NEK4: variants seen among roughly 807,000 people sequenced by gnomAD.
The protein encoded by NEK4 is serine/threonine-protein kinase Nek4.
In NEK4, 86 loss-of-function variants were observed where a neutral mutation model predicts 98.4. The ratio of observed to expected loss-of-function variants is 0.87; its 90% CI spans 0.73 to 1.05. The LOEUF is 1.05. Ranked by LOEUF, NEK4 falls within the 50% of genes least tolerant of loss-of-function variation. The probability of loss-of-function intolerance (pLI) is 0.00; values close to 1 mark genes in which losing one functional copy is unlikely to be tolerated. For missense variants in NEK4, 898 were observed against 950.3 expected, an observed-to-expected ratio of 0.94 and a Z score of 0.72; for synonymous variants, 328 against 342.2, an observed-to-expected ratio of 0.96 and a Z score of 0.46.
Position 52,739,530 on chromosome 3 carries a change from A to T in NEK4, c.2198T>A (p.Val733Glu). The stretch of plus-strand genomic sequence containing the variant: ...TTTCCGATGAAGTTTGAATTCTGAC[A>T]CTGGGTTTGCTACCGGGACATCTTC... ...SCEDVPVANP[V>E]SEFKLHRKYR... Residue 733 changes from valine to glutamate, a missense_variant, in exon 14 of 16, where the codon GTG becomes GAG. Physicochemically the swap from Val to Glu is moderately radical, Grantham distance 121. Coordinates refer to ENST00000233027, the MANE Select transcript of NEK4 (RefSeq NM_003157.6). 6.2e-7 allele frequency: 1 copy of T among 1,614,090 alleles called. No homozygotes were observed. Among genetic ancestry groups the T allele is most frequent in the Non-Finnish European group, 8.5e-7 (1 of 1,179,974 alleles).
At chr3:52,733,196 C>A in intron 15 of NEK4, 1 of 218,942 alleles carries the variant, frequency 4.6e-6, no homozygotes, top group Non-Finnish European at 9.8e-6. Flanking sequence ...ATAAACTTTA[C>A]AAATGCAGTA....
At chr3:52,722,409 C>T (rs1458183775) in intron 15 of NEK4, among the ~76,000 whole-genome samples, 1 of 152,176 alleles carries the variant, frequency 6.6e-6, no homozygotes, top group East Asian at 1.9e-4. Flanking sequence ...AGGTCCCTGG[C>T]TTGCAAAGTG....
At chr3:52,748,045 C>T (rs567694447) in intron 8 of NEK4, among the ~76,000 whole-genome samples, 7 of 152,124 alleles carry the variant, frequency 4.6e-5, no homozygotes, top group Admixed American at 6.5e-5. Flanking sequence ...CTGCAAGCTC[C>T]TCCTCCTGGG....
chr3:52,732,513 A>G, intron 15 of NEK4: 1 of 206,822 alleles, frequency 4.8e-6, no homozygotes, highest in Non-Finnish European at 1.0e-5. Flanking sequence ...ATTTCTTATG[A>G]GTCAGGCTGT....
chr3:52,752,039 G>T lies in NEK4; in HGVS notation c.1261C>A (p.Pro421Thr). The T allele has an allele frequency of 6.2e-7, 1 of 1,614,172 alleles. No homozygotes were observed. Among genetic ancestry groups the T allele is most frequent in the East Asian group, 2.2e-5 (1 of 44,886 alleles). ...GACCACATGGGAATCAGGTTTTCAG[G>T]CTGGGCACTGGATTTAGTGTTGTCC... is the stretch of plus-strand genomic sequence containing the variant. Reference protein sequence around the residue: ...LQDNTKSSAQPENLIPMWSSD... With the variant: ...LQDNTKSSAQTENLIPMWSSD... Residue 421 changes from proline (P) to threonine (T), a missense_variant, in exon 7 of 16, where the codon CCT (proline) becomes ACT (threonine). By Grantham distance (38) the Pro-to-Thr change is conservative (BLOSUM62 -1). Coordinates refer to ENST00000233027, the MANE Select transcript of NEK4 (RefSeq NM_003157.6).
At chr3:52,754,938 G>A (rs1007944756) in intron 6 of NEK4, among the ~76,000 whole-genome samples, 9 of 151,878 alleles carry the variant, frequency 5.9e-5, no homozygotes, top group Admixed American at 5.9e-4. Context: ...GCCGGGCGCG[G>A]TGGCAGGCGC....
At chr3:52,769,951 G>A (rs976666622) in intron 1 of NEK4, among the ~76,000 whole-genome samples, 3 of 152,212 alleles carry the variant, frequency 2.0e-5, no homozygotes, top group Non-Finnish European at 4.4e-5. Context: ...TCAAGTGGCG[G>A]CGACCAGTTG....
rs373619075 is a variant in NEK4 at position 52,723,524 on chromosome 3, G to A, written c.2434-11655C>T. Among the ~76,000 whole-genome samples, 4 of 152,138 alleles carry A rather than the reference G, an allele frequency of 2.6e-5. No homozygotes were observed. The South Asian group carries it at 8.3e-4, about 31-fold the overall frequency. On this transcript the variant is annotated intron_variant, in intron 15 of 15. Coordinates refer to ENST00000233027, the MANE Select transcript of NEK4 (RefSeq NM_003157.6). ...CCCAAAGTGCTGGGATTACAGGCATGAGCCACCATGCCCGGTCTGAAAAAA... is the reference window on the plus strand; with the variant it reads ...CCCAAAGTGCTGGGATTACAGGCATAAGCCACCATGCCCGGTCTGAAAAAA...
rs1166636961 is a variant in NEK4 at position 52,711,087 on chromosome 3, A to G, written c.*690T>C. The G allele has an allele frequency of 1.3e-5, 2 of 152,658 alleles. No individual in the cohort carries two copies. The highest frequency in any genetic ancestry group is 2.9e-5 in the Non-Finnish European group (2 of 68,040). 9.5% of individuals were successfully genotyped at this position (152,658 alleles called of 1,614,324 possible). On this transcript the variant is annotated 3_prime_UTR_variant, in exon 16 of 16. Transcript: ENST00000233027. ...AAATTTGTGTTTAAGAAATGTTTTCACTGATGGAAAAATAAATCTAACAAA... is the reference window on the plus strand; with the variant it reads ...AAATTTGTGTTTAAGAAATGTTTTCGCTGATGGAAAAATAAATCTAACAAA...
intron 15 of NEK4, among the ~76,000 whole-genome samples, chr3:52,725,535 A>C (rs1251765863): frequency 6.6e-6 from 1 of 150,412 alleles, no homozygotes; most frequent in African/African-American, 2.5e-5. Flanking sequence ...ACAAAACAAA[A>C]AAAAAACATA....
intron 15 of NEK4, among the ~76,000 whole-genome samples, chr3:52,722,792 C>A (rs1050261815): frequency 7.2e-5 from 11 of 152,162 alleles, no homozygotes; most frequent in South Asian, 4.2e-4. Context: ...ACAGTCCTGG[C>A]AACCTGGGAG....
At chr3:52,754,095 G>C (rs2097410477) in intron 6 of NEK4, 1 of 247,368 alleles carries the variant, frequency 4.0e-6, no homozygotes, top group South Asian at 5.1e-5. Flanking sequence ...CCAGGAGGCA[G>C]AGGTTGCGGT....
At chr3:52,716,096 G>A (rs993568105) in intron 15 of NEK4, among the ~76,000 whole-genome samples, 1 of 152,196 alleles carries the variant, frequency 6.6e-6, no homozygotes. Flanking sequence ...AGCAACTAGC[G>A]TGTCTGACTG....
chr3:52,766,910 C>T (rs188905412), intron 2 of NEK4, among the ~76,000 whole-genome samples: 2,506 of 151,998 alleles, frequency 0.016, 77 homozygotes, highest in African/African-American at 0.057. Context: ...GGCGTGAACC[C>T]GGGAAGCGGA....
rs1442645995 is a variant in NEK4, at chr3:52,754,505, A to C, written c.964-2169T>G. ...TATTACTCGTCTGTCTGACCAATTTAAAATAGAAGACTCATGCAATTAGCT... is the reference window on the plus strand; with the variant it reads ...TATTACTCGTCTGTCTGACCAATTTCAAATAGAAGACTCATGCAATTAGCT... On this transcript the variant is annotated intron_variant, in intron 6 of 15. Coordinates refer to ENST00000233027, the MANE Select transcript of NEK4 (RefSeq NM_003157.6). 4.8e-5 allele frequency: 45 copies of C among 933,140 alleles called. 1 individual carries two copies. The East Asian group carries it at 1.2e-3, about 25-fold the overall frequency. 57.8% of individuals were successfully genotyped at this position (933,140 alleles called of 1,614,324 possible). A position where few individuals can be genotyped will look rare whatever the true frequency, so the allele number is the denominator to read the frequency against.
intron 4 of NEK4, among the ~76,000 whole-genome samples, chr3:52,764,114 G>A (rs13097986): frequency 5.9e-5 from 9 of 151,462 alleles, no homozygotes; most frequent in Non-Finnish European, 8.8e-5. Context: ...GTGAAACCCC[G>A]TCTCTACTAA....
chr3:52,761,199 G>T (rs906207090), intron 5 of NEK4, among the ~76,000 whole-genome samples: 1 of 152,144 alleles, frequency 6.6e-6, no homozygotes, highest in Admixed American at 6.5e-5. Flanking sequence ...TTGGATCCTG[G>T]AACAGAAAAG....
At chr3:52,724,958 TA>T (rs927062084) in intron 15 of NEK4, among the ~76,000 whole-genome samples, 3 of 152,230 alleles carry the variant, frequency 2.0e-5, no homozygotes, top group African/African-American at 7.2e-5. Context: ...TGATTAACAA[TA>T]AAAAATATAT....
Position 52,744,296 on chromosome 3 carries a change from A to G in NEK4, c.1837T>C (p.Leu613=), listed in dbSNP as rs1386320423. The G allele has an allele frequency of 6.2e-7, 1 of 1,613,240 alleles. No individual in the cohort carries two copies. Among genetic ancestry groups the G allele is most frequent in the Non-Finnish European group, 8.5e-7 (1 of 1,179,296 alleles). The change falls in exon 11 of 16, where the codon TTA becomes CTA. Residue 613 remains leucine, a synonymous_variant. Coordinates refer to ENST00000233027, the MANE Select transcript of NEK4 (RefSeq NM_003157.6). The part of the protein sequence containing the change: ...SEMSSSKDRP[L]SARERRRLKQ... The stretch of plus-strand genomic sequence containing the variant: ...AGTCGCCTCCTCTCTCTGGCTGATA[A>G]TGGTCGATCCTTTAAAAGAAAGTCA...
Sources: gnomAD v4.1 joint callset for allele counts (sites outside exome capture counted in the v4.1 genomes callset) on GRCh38, gnomAD v4.1.1 for gene constraint, MANE v1.5 for transcripts, NCBI Gene and HGNC (gene_info 2026-07-23, HGNC 2026-07-21) for gene names.